BRD10: variants seen among roughly 807,000 people sequenced by gnomAD.
BRD10 encodes uncharacterized bromodomain-containing protein 10.
chr9:5,914,304 T>TAAGG, the BRD10 span, among the ~76,000 whole-genome samples: 1 of 152,072 alleles, frequency 6.6e-6, no homozygotes, highest in Non-Finnish European at 1.5e-5. Context: ...CCTTACTTAA[T>TAAGG]AATTTAATCT....
chr9:5,931,990 G>A, the BRD10 span, among the ~76,000 whole-genome samples: 1 of 152,086 alleles, frequency 6.6e-6, no homozygotes. Context: ...TCAAAACATG[G>A]TGCTTATAAC....
the BRD10 span, among the ~76,000 whole-genome samples, chr9:6,002,790 C>A: frequency 6.6e-6 from 1 of 151,930 alleles, no homozygotes; most frequent in African/African-American, 2.4e-5. Flanking sequence ...GATTCTCATG[C>A]CTCAGCCTCC....
chr9:5,891,599 A>G, the BRD10 span, among the ~76,000 whole-genome samples: 2 of 152,324 alleles, frequency 1.3e-5, no homozygotes, highest in East Asian at 3.9e-4. Flanking sequence ...GAGCAGAAAA[A>G]TACACAATAA....
At chr9:5,923,185 A>T in the BRD10 span, 4 of 1,613,832 alleles carry the variant, frequency 2.5e-6, no homozygotes, top group African/African-American at 2.7e-5. Flanking sequence ...CCACATAATC[A>T]GTTTGTTTGG....
At chr9:5,996,654 C>A in the BRD10 span, among the ~76,000 whole-genome samples, 14 of 152,148 alleles carry the variant, frequency 9.2e-5, no homozygotes, top group East Asian at 1.7e-3. Flanking sequence ...TTTAAAAAAT[C>A]GTTTTGCTTA....
At chr9:5,880,903 T>C in the BRD10 span, among the ~76,000 whole-genome samples, 188 of 152,070 alleles carry the variant, frequency 1.2e-3, 4 homozygotes, top group East Asian at 0.031. Flanking sequence ...TGGGGTTTCA[T>C]CATGTTGACC....
chr9:5,994,060 C>A, the BRD10 span, among the ~76,000 whole-genome samples: 1 of 152,126 alleles, frequency 6.6e-6, no homozygotes, highest in Admixed American at 6.5e-5. Flanking sequence ...TCAAAATAAA[C>A]CTAACTTAAA....
the BRD10 span, among the ~76,000 whole-genome samples, chr9:5,990,587 C>T: frequency 2.2e-4 from 34 of 151,910 alleles, no homozygotes; most frequent in African/African-American, 8.0e-4. Flanking sequence ...GAACAAAGAC[C>T]AAAGAGAAAG....
chr9:5,951,811 G>C, the BRD10 span, among the ~76,000 whole-genome samples: 1 of 152,170 alleles, frequency 6.6e-6, no homozygotes, highest in East Asian at 1.9e-4. Context: ...TGTATTTGAA[G>C]CAAATGATCT....
the BRD10 span, among the ~76,000 whole-genome samples, chr9:5,927,426 GACA>G: frequency 1.3e-5 from 2 of 151,934 alleles, no homozygotes; most frequent in Admixed American, 6.5e-5. Flanking sequence ...TCACACAAAC[GACA>G]ACAACAAAAC....
At chr9:5,982,500 G>A in the BRD10 span, among the ~76,000 whole-genome samples, 794 of 152,292 alleles carry the variant, frequency 5.2e-3, 3 homozygotes, top group Non-Finnish European at 8.8e-3. Flanking sequence ...GAGGTATCAT[G>A]GGAATGGGGC....
At chr9:5,927,497 T>G in the BRD10 span, among the ~76,000 whole-genome samples, 1 of 152,174 alleles carries the variant, frequency 6.6e-6, no homozygotes. Flanking sequence ...TTCCACCTTA[T>G]AGCAAAACTC....
At chr9:5,958,634 G>A in the BRD10 span, among the ~76,000 whole-genome samples, 1 of 152,102 alleles carries the variant, frequency 6.6e-6, no homozygotes, top group South Asian at 2.1e-4. Context: ...GGAGGGATAG[G>A]AGGAAGAAAA....
chr9:5,903,858 A>G, the BRD10 span, among the ~76,000 whole-genome samples: 1 of 149,662 alleles, frequency 6.7e-6, no homozygotes, highest in Non-Finnish European at 1.5e-5. Flanking sequence ...TTTTCTATGC[A>G]CTTACTTTTT....
chr9:5,907,911 C>T, the BRD10 span, among the ~76,000 whole-genome samples: 1 of 152,178 alleles, frequency 6.6e-6, no homozygotes, highest in East Asian at 1.9e-4. Flanking sequence ...CGAGATAGTG[C>T]CACTGCACTC....
chr9:5,927,223 T>G, the BRD10 span, among the ~76,000 whole-genome samples: 2 of 152,208 alleles, frequency 1.3e-5, no homozygotes, highest in African/African-American at 4.8e-5. Flanking sequence ...AACTTTCACA[T>G]GCTCACACCT....
At chr9:5,971,052 CAAAAAAAAA>C in the BRD10 span, among the ~76,000 whole-genome samples, 1 of 43,202 alleles carries the variant, frequency 2.3e-5, no homozygotes, top group Admixed American at 2.7e-4. Context: ...AGCAACGTCT[CAAAAAAAAA>C]AAAAAAAAAA....
At chr9:5,959,891 C>T in the BRD10 span, among the ~76,000 whole-genome samples, 1 of 152,164 alleles carries the variant, frequency 6.6e-6, no homozygotes, top group African/African-American at 2.4e-5. Context: ...AAATGACACC[C>T]TTCTATCATT....
At chr9:5,922,057 A>C in the BRD10 span, 2 of 1,614,030 alleles carry the variant, frequency 1.2e-6, no homozygotes, top group East Asian at 4.5e-5. Context: ...GAGGAGCAAA[A>C]GTGAAAACTG....
Sources: gnomAD v4.1 joint callset for allele counts (sites outside exome capture counted in the v4.1 genomes callset) on GRCh38, gnomAD v4.1.1 for gene constraint, MANE v1.5 for transcripts, NCBI Gene and HGNC (gene_info 2026-07-23, HGNC 2026-07-21) for gene names.